The following LTBP2 variants were observed in gnomAD, a reference collection of about 807,000 sequenced individuals.
LTBP2 encodes latent-transforming growth factor beta-binding protein 2.
A neutral mutation model predicts 210.6 loss-of-function variants in LTBP2; 103 were observed. The ratio of observed to expected loss-of-function variants is 0.49; its 90% CI spans 0.42 to 0.58. The LOEUF is 0.58. Among genes scored for constraint, LTBP2 ranks in the 20% least tolerant of loss-of-function variants. The pLI, the probability that LTBP2 is intolerant of heterozygous loss-of-function variation, is 0.00. For synonymous variants in LTBP2, 1,007 were observed against 1,015.0 expected (o/e 0.99, Z 0.15); for missense variants, 2,313 against 2,494.5 (o/e 0.93, Z 1.55).
Position 74,510,107 on chromosome 14 carries a change from A to G in LTBP2, c.3135T>C (p.Asp1045=). ...TCTCTGTACCTTGGCAGCCCTTCTC[A>G]TCTGAGGTGACCTCATAGCCCTGCT... The part of the protein sequence containing the change: ...SCEQGYEVTS[D]EKGCQDVDEC... The change falls in exon 20 of 36, where the codon GAT becomes GAC. Residue 1045 remains aspartate (D), a synonymous_variant. Coordinates refer to ENST00000261978, the MANE Select transcript of LTBP2 (RefSeq NM_000428.3). The G allele has an allele frequency of 6.2e-6, 10 of 1,614,106 alleles. No homozygotes were observed. The highest frequency in any genetic ancestry group is 8.5e-6 in the Non-Finnish European group (10 of 1,180,018).
chr14:74,556,537 AC>A (rs1203880425), intron 3 of LTBP2, among the ~76,000 whole-genome samples: 1 of 152,118 alleles, frequency 6.6e-6, no homozygotes, highest in African/African-American at 2.4e-5. Flanking sequence ...TGTTTTTGAG[AC>A]CGAGTTTTGC....
At position 74,503,484 on chromosome 14, in the gene LTBP2, T is replaced by C; in HGVS notation, c.4705A>G (p.Ser1569Gly). 2.5e-6 allele frequency: 4 copies of C among 1,612,204 alleles called. No individual in the cohort carries two copies. Among genetic ancestry groups the C allele is most frequent in the African/African-American group, 1.3e-5 (1 of 75,038 alleles). ...GCCCACTCACCCGTGCTGCTGGTGC[T>C]GTTCATGCAGCGCTGCTGGCTGAGG... ...LDLSQQRCMN[S>G]TSSTEDLPDH... The change falls in exon 32 of 36, where the codon AGC becomes GGC. Residue 1569 changes from serine to glycine, a missense_variant. Ser to Gly is a moderately conservative substitution (Grantham distance 56, BLOSUM62 0). This residue lies in a region of LTBP2 where 443 missense variants were observed against 501.4 expected (regional missense o/e 0.88). Coordinates refer to ENST00000261978, the MANE Select transcript of LTBP2 (RefSeq NM_000428.3).
At chr14:74,507,109 T>C (rs1393815267) in intron 26 of LTBP2, 70 bp downstream of exon 26, 3 of 1,611,714 alleles carry the variant, frequency 1.9e-6, no homozygotes, top group South Asian at 1.1e-5. Context: ...GAGAAAATCA[T>C]GTCTCGCTCA....
intron 8 of LTBP2, among the ~76,000 whole-genome samples, chr14:74,542,774 T>TG (rs2087525148): frequency 6.6e-6 from 1 of 150,882 alleles, no homozygotes; most frequent in African/African-American, 2.4e-5. Flanking sequence ...CCTGAATTTT[T>TG]TTTTTTTTTT....
chr14:74,540,809 A>ATTT lies in LTBP2; in HGVS notation c.1790-4810_1790-4809insAAA, dbSNP rs1491126915. On this transcript the variant is annotated intron_variant, in intron 8 of 35. Coordinates refer to ENST00000261978, the MANE Select transcript of LTBP2 (RefSeq NM_000428.3). Reference sequence around the variant, plus strand: ...TATATATATATTTATATATATATATAATATATATATATTTTTATATAATAT... The same window carrying ATTT: ...TATATATATATTTATATATATATATATTTATATATATATATTTTTATATAATAT... 4.7e-4 allele frequency among the ~76,000 whole-genome samples: 30 copies of ATTT among 63,812 alleles called. 2 individuals carry two copies. Among genetic ancestry groups the ATTT allele is most frequent in the South Asian group, 1.2e-3 (3 of 2,488 alleles). 41.9% of individuals were successfully genotyped at this position (63,812 alleles called of 152,430 possible).
Position 74,500,843 on chromosome 14 carries a change from G to A in LTBP2, c.*41C>T, listed in dbSNP as rs1285515491. ...ATCCTCAAGGCCCCTGCCTGTGACTGGAGGCCATTTCCAGGTAGTTGCCAC... is the reference window on the plus strand; with the variant it reads ...ATCCTCAAGGCCCCTGCCTGTGACTAGAGGCCATTTCCAGGTAGTTGCCAC... On this transcript the variant is annotated 3_prime_UTR_variant, in exon 36 of 36. Transcript: ENST00000261978. The A allele has an allele frequency of 1.9e-6, 3 of 1,612,524 alleles. No individual in the cohort carries two copies. Among genetic ancestry groups the A allele is most frequent in the African/African-American group, 1.3e-5 (1 of 75,006 alleles).
In LTBP2 at chr14:74,555,665, G is replaced by T. The variant is rs1450407039; in HGVS notation, c.859C>A (p.Pro287Thr). ...GACAACCCCACGTGCTGCTGGGAAG[G>T]GTGGGTCTGGCTGAGGCCACTCAGG... ...GTLSGLSQTH[P>T]SQQHVGLSRT... Residue 287 changes from proline to threonine, a missense_variant, in exon 4 of 36, where the codon CCT becomes ACT. By Grantham distance (38) the Pro-to-Thr change is conservative. Transcript: ENST00000261978. The T allele has an allele frequency of 6.4e-7, 1 of 1,566,344 alleles. No individual in the cohort carries two copies.
Position 74,506,802 on chromosome 14 carries a change from T to A in LTBP2, c.3929A>T (p.Asp1310Val). 6.2e-7 allele frequency: 1 copy of A among 1,614,008 alleles called. No individual in the cohort carries two copies. Among genetic ancestry groups the A allele is most frequent in the Non-Finnish European group, 8.5e-7 (1 of 1,180,010 alleles). Residue 1310 changes from aspartate to valine, a missense_variant, in exon 27 of 36, where the codon GAC becomes GTC. Physicochemically the swap from Asp to Val is radical, Grantham distance 152. Transcript: ENST00000261978. ...GAAGCCGTGGCTGCCACACATGGTG[T>A]CGTTGGCGCACTCGTCTATGTCTGT... ...DCIDIDECAN[D>V]TMCGSHGFCD...
At position 74,522,790 on chromosome 14, in the gene LTBP2, C is replaced by G; in HGVS notation, c.2659G>C (p.Asp887His). The G allele has an allele frequency of 6.2e-7, 1 of 1,610,516 alleles. No homozygotes were observed. Among genetic ancestry groups the G allele is most frequent in the Non-Finnish European group, 8.5e-7 (1 of 1,178,666 alleles). Reference protein sequence around the residue: ...QLHPSQAYCTDDNECLRDPCK... With the variant: ...QLHPSQAYCTHDNECLRDPCK... ...AAGCCCAGGGCACCCAAGTGAATAC[C>G]TGTGCAGTAGGCCTGGCTGGGGTGC... Residue 887 changes from aspartate to histidine, a missense_variant and splice_region_variant, in exon 16 of 36, where the codon GAT (aspartate) becomes CAT (histidine). By Grantham distance (81) the Asp-to-His change is moderately conservative (BLOSUM62 -1). This residue lies in a region of LTBP2 where 1,867 missense variants were observed against 1,976.9 expected (regional missense o/e 0.94). Transcript: ENST00000261978.
intron 18 of LTBP2, among the ~76,000 whole-genome samples, chr14:74,511,967 G>T (rs2087077456): frequency 1.3e-5 from 2 of 152,196 alleles, no homozygotes; most frequent in African/African-American, 2.4e-5. Flanking sequence ...ATCATGTAGG[G>T]ATCCTGGCAC....
chr14:74,521,956 G>C lies in LTBP2; in HGVS notation c.2743C>G (p.Pro915Ala). ...RVGSYSCFCY[P>A]GYTLATSGAT... ...CCTGAGGTGGCCAGAGTGTAGCCAG[G>C]GTAGCAGAAGCAGGAGTAGGACCCC... is the stretch of plus-strand genomic sequence containing the variant. Residue 915 changes from proline (P) to alanine (A), a missense_variant, in exon 17 of 36, where the codon CCT (proline) becomes GCT (alanine). This residue lies in a region of LTBP2 where 1,867 missense variants were observed against 1,976.9 expected (regional missense o/e 0.94). Coordinates refer to ENST00000261978, the MANE Select transcript of LTBP2 (RefSeq NM_000428.3). The C allele has an allele frequency of 3.7e-6, 6 of 1,614,206 alleles. No homozygotes were observed. Among genetic ancestry groups the C allele is most frequent in the Non-Finnish European group, 5.1e-6 (6 of 1,180,028 alleles).
In LTBP2 at chr14:74,502,846, G is replaced by A. The variant is rs748816699; in HGVS notation, c.4977C>T (p.Pro1659=). ...VHFRPGYEYG[P]GPDDLHYSIY... ...TGCTGTAGTGCAGGTCATCGGGCCC[G>A]GGGCCATACTCATAGCCTGGCCGGA... is the stretch of plus-strand genomic sequence containing the variant. Residue 1659 remains proline, a synonymous_variant, in exon 34 of 36, where the codon CCC becomes CCT. Transcript: ENST00000261978. 49 of 1,613,966 alleles carry A rather than the reference G, an allele frequency of 3.0e-5. No individual in the cohort carries two copies. The highest frequency in any genetic ancestry group is 6.7e-5 in the East Asian group (3 of 44,886).
intron 9 of LTBP2, among the ~76,000 whole-genome samples, chr14:74,535,135 T>A (rs1279618942): frequency 1.3e-5 from 2 of 152,138 alleles, no homozygotes; most frequent in African/African-American, 4.8e-5. Context: ...GCCCTTTTGC[T>A]TGGCCCCAGC....
intron 9 of LTBP2, 73 bp downstream of exon 9, chr14:74,535,853 G>T: frequency 7.3e-7 from 1 of 1,373,794 alleles, no homozygotes; most frequent in Non-Finnish European, 1.0e-6. Context: ...GCCAGTGACA[G>T]ACACCCCTCC....
chr14:74,501,422 A>C lies in LTBP2; in HGVS notation c.5320+19T>G. The C allele has an allele frequency of 1.9e-6, 3 of 1,613,928 alleles. No individual in the cohort carries two copies. Among genetic ancestry groups the C allele is most frequent in the Non-Finnish European group, 2.5e-6 (3 of 1,179,976 alleles). Reference sequence around the variant, plus strand: ...GGCAGTGGGCCAGCCTGACTCCTCCATCAGAATTCTGCACTTACCTACGCA... The same window carrying C: ...GGCAGTGGGCCAGCCTGACTCCTCCCTCAGAATTCTGCACTTACCTACGCA... On this transcript the variant is annotated intron_variant, in intron 35 of 35. Transcript: ENST00000261978.
chr14:74,514,623 G>A (rs1163714430), intron 18 of LTBP2, among the ~76,000 whole-genome samples: 5 of 152,172 alleles, frequency 3.3e-5, no homozygotes, highest in South Asian at 2.1e-4. Flanking sequence ...ATGGCTGGGC[G>A]ACACCAAAGG....
chr14:74,523,523 T>C (rs962968491), intron 15 of LTBP2, among the ~76,000 whole-genome samples: 1 of 151,572 alleles, frequency 6.6e-6, no homozygotes, highest in African/African-American at 2.4e-5. Flanking sequence ...TTAAAACCTG[T>C]TGAAATAATT....
At chr14:74,526,265 T>G in intron 13 of LTBP2, 151 bp from the exon 14 acceptor site, 1 of 778,186 alleles carries the variant, frequency 1.3e-6, no homozygotes, top group South Asian at 1.5e-5. Context: ...TCTTACTCTA[T>G]GCTGGGCATT....
chr14:74,528,616 C>G lies in LTBP2; in HGVS notation c.2235G>C (p.Glu745Asp). 6.2e-7 allele frequency: 1 copy of G among 1,613,632 alleles called. No individual in the cohort carries two copies. Among genetic ancestry groups the G allele is most frequent in the Admixed American group, 1.7e-5 (1 of 60,030 alleles). ...TTGGGGGCCTTGCCAGTTCCTCCTCCTCGGCTTTCCTCATGGACAGGCGGA... is the reference window on the plus strand; with the variant it reads ...TTGGGGGCCTTGCCAGTTCCTCCTCGTCGGCTTTCCTCATGGACAGGCGGA... ...SDIRLSMRKA[E>D]EEELARPPRE... The change falls in exon 12 of 36, where the codon GAG (glutamate) becomes GAC (aspartate). Residue 745 changes from glutamate to aspartate, a missense_variant. Glu to Asp is a conservative substitution (Grantham distance 45). Transcript: ENST00000261978.
Sources: gnomAD v4.1 joint callset for allele counts (sites outside exome capture counted in the v4.1 genomes callset) on GRCh38, gnomAD v4.1.1 for gene constraint, gnomAD v4.1.1 regional missense constraint, MANE v1.5 for transcripts, NCBI Gene and HGNC (gene_info 2026-07-23, HGNC 2026-07-21) for gene names.